KRT3: variants seen among roughly 807,000 people sequenced by gnomAD.
KRT3 encodes keratin, type II cytoskeletal 3.
KRT3 carries 34 observed loss-of-function variants against 45.8 expected under a neutral mutation model. The observed-to-expected ratio is 0.74, with a 90% CI of 0.57 to 0.99. The LOEUF is 0.99. KRT3 is among the 50% of genes least tolerant of loss of function. The pLI is 0.00. For missense variants in KRT3, 828 were observed against 820.6 expected (o/e 1.01, Z -0.11); for synonymous variants, 367 against 329.0 (o/e 1.12, Z -1.25).
At position 52,790,119 on chromosome 12, in the gene KRT3, A is replaced by G. The variant is rs1377665888; in HGVS notation, c.1810T>C (p.Phe604Leu). ...CCGCCCCGGTTGCTGGCCGAGCTGA[A>G]GCCCCCGCCACTGACTCCATAGCGG... The part of the protein sequence containing the change: ...GARYGVSGGG[F>L]SSASNRGGSI... The change falls in exon 9 of 9, where the codon TTC becomes CTC. Residue 604 changes from phenylalanine to leucine, a missense_variant. Coordinates refer to ENST00000417996, the MANE Select transcript of KRT3 (RefSeq NM_057088.3). The G allele has an allele frequency of 6.5e-7, 1 of 1,544,092 alleles. No homozygotes were observed. Among genetic ancestry groups the G allele is most frequent in the Non-Finnish European group, 8.7e-7 (1 of 1,146,744 alleles).
At position 52,790,252 on chromosome 12, in the gene KRT3, G is replaced by A. The variant is rs1241657089; in HGVS notation, c.1677C>T (p.Gly559=). 11 of 1,550,606 alleles carry A rather than the reference G, an allele frequency of 7.1e-6. No homozygotes were observed. The East Asian group carries it at 1.2e-4, about 17-fold the overall frequency. ...CTCCCCGGCCAAAGCCACTGCCTGAGCCGCCGCCCGCACTGAAGCCACCTC... is the reference window on the plus strand; with the variant it reads ...CTCCCCGGCCAAAGCCACTGCCTGAACCGCCGCCCGCACTGAAGCCACCTC... ...GLGGGFSAGG[G]SGSGFGRGGG... The change falls in exon 9 of 9, where the codon GGC becomes GGT. Residue 559 remains glycine, a synonymous_variant. Coordinates refer to ENST00000417996, the MANE Select transcript of KRT3 (RefSeq NM_057088.3).
rs1488529872 is a variant in KRT3, at chr12:52,789,945, T to C, written c.*97A>G. ...AGCCTTCCAGCGCAGAGCCGCGTTC[T>C]TGGGGAGCATGGGGTGGCGCTGGGG... On this transcript the variant is annotated 3_prime_UTR_variant, in exon 9 of 9. Coordinates refer to ENST00000417996, the MANE Select transcript of KRT3 (RefSeq NM_057088.3). 7.8e-7 allele frequency: 1 copy of C among 1,281,344 alleles called. No homozygotes were observed. Among genetic ancestry groups the C allele is most frequent in the Non-Finnish European group, 1.1e-6 (1 of 914,742 alleles). The allele number at this position is 1,281,344 out of a possible 1,614,324, so 79.4% of individuals were successfully genotyped here.
chr12:52,794,615 C>T (rs187842682), intron 1 of KRT3, among the ~76,000 whole-genome samples: 79 of 152,274 alleles, frequency 5.2e-4, no homozygotes, highest in African/African-American at 1.8e-3. Context: ...AACTTCATGA[C>T]CCTATCTTAA....
Position 52,790,343 on chromosome 12 carries a change from C to A in KRT3, c.1586G>T (p.Ser529Ile). Reference protein sequence around the residue: ...SAVSISVVSSSTTSASAGGYG... With the variant: ...SAVSISVVSSITTSASAGGYG... ...GCCACCTGCGGAGGCGGAAGTCGTGCTGCTGCTGACCACGGCTGTGGGGGA... is the reference window on the plus strand; with the variant it reads ...GCCACCTGCGGAGGCGGAAGTCGTGATGCTGCTGACCACGGCTGTGGGGGA... Residue 529 changes from serine (S) to isoleucine (I), a missense_variant, in exon 9 of 9, where the codon AGC becomes ATC. Physicochemically the swap from Ser to Ile is moderately radical, Grantham distance 142 (BLOSUM62 -2). Transcript: ENST00000417996. 6.3e-7 allele frequency: 1 copy of A among 1,595,726 alleles called. No homozygotes were observed. Among genetic ancestry groups the A allele is most frequent in the Non-Finnish European group, 8.5e-7 (1 of 1,170,420 alleles).
intron 6 of KRT3, 80 bp downstream of exon 6, chr12:52,791,611 A>C: frequency 1.9e-6 from 3 of 1,583,468 alleles, no homozygotes; most frequent in Non-Finnish European, 2.6e-6. Context: ...CCAGACGTCT[A>C]TTCCAGGGGA....
In KRT3 at chr12:52,789,738, T is replaced by A; in HGVS notation, c.*304A>T. The A allele has an allele frequency of 1.7e-6, 1 of 572,102 alleles. No homozygotes were observed. The highest frequency in any genetic ancestry group is 3.1e-6 in the Non-Finnish European group (1 of 320,234). 35.4% of individuals were successfully genotyped at this position (572,102 alleles called of 1,614,324 possible). On this transcript the variant is annotated 3_prime_UTR_variant, in exon 9 of 9. Transcript: ENST00000417996. ...GACCGGAGGGGCGGAGGGGGCTGTGTGCTATATACATCAGAGCTGTAGTGA... is the reference window on the plus strand; with the variant it reads ...GACCGGAGGGGCGGAGGGGGCTGTGAGCTATATACATCAGAGCTGTAGTGA...
At position 52,795,912 on chromosome 12, in the gene KRT3, C is replaced by G. The variant is rs28721426; in HGVS notation, c.131G>C (p.Gly44Ala). The change falls in exon 1 of 9, where the codon GGC becomes GCC. Residue 44 changes from glycine to alanine, a missense_variant. Transcript: ENST00000417996. ...HSGGAGGGAY[G>A]FRSGAGGFGS... is the part of the protein sequence containing the mutation. ...AAAGCCACCTGCTCCGCTCCGGAAGCCATAGGCCCCTCCGCCAGCTCCCCC... is the reference window on the plus strand; with the variant it reads ...AAAGCCACCTGCTCCGCTCCGGAAGGCATAGGCCCCTCCGCCAGCTCCCCC... 272,571 of 1,614,034 alleles carry G rather than the reference C, an allele frequency of 0.17. 24,923 individuals are homozygous for G. Among genetic ancestry groups the G allele is most frequent in the African/African-American group, 0.28 (20,965 of 75,006 alleles).
rs1444880066 is a variant in KRT3 at position 52,791,774 on chromosome 12, G to A, written c.1231C>T (p.Leu411=). ...ATGATCTCGCTCTTGGTATTTCTTA[G>A]GTCATCCCCATGCCTGCCAGCCGTG... is the stretch of plus-strand genomic sequence containing the variant. The part of the protein sequence containing the change: ...QTTAGRHGDD[L]RNTKSEIIEL... Residue 411 remains leucine (L), a synonymous_variant, in exon 6 of 9, where the codon CTA becomes TTA. Transcript: ENST00000417996. 6.2e-6 allele frequency: 10 copies of A among 1,614,052 alleles called. No individual in the cohort carries two copies. The highest frequency in any genetic ancestry group is 8.5e-6 in the Non-Finnish European group (10 of 1,179,964).
Position 52,792,370 on chromosome 12 carries a change from T to C in KRT3, c.1057A>G (p.Thr353Ala). 6.2e-7 allele frequency: 1 copy of C among 1,614,144 alleles called. No individual in the cohort carries two copies. Among genetic ancestry groups the C allele is most frequent in the Non-Finnish European group, 8.5e-7 (1 of 1,180,024 alleles). ...TTGTCCATGGACAGCACCACAGATG[T>C]GTCACTGATGTGGCTCTGCATCTGA... ...LSQMQSHISD[T>A]SVVLSMDNNR... Residue 353 changes from threonine (T) to alanine (A), a missense_variant, in exon 5 of 9, where the codon ACA (threonine) becomes GCA (alanine). Thr to Ala is a moderately conservative substitution (Grantham distance 58). Coordinates refer to ENST00000417996, the MANE Select transcript of KRT3 (RefSeq NM_057088.3).
chr12:52,790,812 T>C, intron 8 of KRT3, 26 bp downstream of exon 8: 1 of 1,565,500 alleles, frequency 6.4e-7, no homozygotes, highest in Admixed American at 1.8e-5. Context: ...TTAACTCTCA[T>C]TTTCTTAGCT....
At position 52,795,448 on chromosome 12, in the gene KRT3, G is replaced by A. The variant is rs138693059; in HGVS notation, c.595C>T (p.Arg199Trp). 381 of 1,614,112 alleles carry A rather than the reference G, an allele frequency of 2.4e-4. 3 individuals carry two copies. The African/African-American group carries it at 2.8e-3, about 12-fold the overall frequency. Residue 199 changes from arginine (R) to tryptophan (W), a missense_variant, in exon 1 of 9, where the codon CGG (arginine) becomes TGG (tryptophan). Transcript: ENST00000417996. ...TTGTTGAGGGTCTTGATCTGTTCCC[G>A]CTCCTGGGCCTTTACTTGCCCAATC... ...PQIGQVKAQEREQIKTLNNKF... is the reference protein window; with the variant it reads ...PQIGQVKAQEWEQIKTLNNKF...
chr12:52,793,364 A>G, intron 2 of KRT3, 141 bp from the exon 3 acceptor site: 3 of 610,660 alleles, frequency 4.9e-6, no homozygotes, highest in Non-Finnish European at 8.7e-6. Flanking sequence ...CCTCTTTACT[A>G]TCTCCCTGTT....
chr12:52,796,044 G>A lies in KRT3; in HGVS notation c.-2C>T. On this transcript the variant is annotated 5_prime_UTR_variant, in exon 1 of 9. Coordinates refer to ENST00000417996, the MANE Select transcript of KRT3 (RefSeq NM_057088.3). ...TGTCTTGCTGGCTTGTCTGCTCATG[G>A]TAAGGAGCTTGGCGAAGAGAAGAGT... 6.2e-7 allele frequency: 1 copy of A among 1,613,020 alleles called. No individual in the cohort carries two copies. Among genetic ancestry groups the A allele is most frequent in the Non-Finnish European group, 8.5e-7 (1 of 1,179,868 alleles).
Position 52,794,248 on chromosome 12 carries a change from G to C in KRT3, c.729C>G (p.Gly243=). Residue 243 remains glycine (G), a synonymous_variant, in exon 2 of 9, where the codon GGC becomes GGG. Transcript: ENST00000417996. ...CAAAAAGAGGCTCAAGGTTGTTTGT[G>C]CCTGAGATGGAACTTGTGCCCTGCT... ...LQQQGTSSIS[G]TNNLEPLFEN... 1 of 1,614,182 alleles carries C rather than the reference G, an allele frequency of 6.2e-7. No homozygotes were observed. The highest frequency in any genetic ancestry group is 8.5e-7 in the Non-Finnish European group (1 of 1,179,986).
Position 52,791,765 on chromosome 12 carries a change from T to C in KRT3, c.1240A>G (p.Thr414Ala), listed in dbSNP as rs752128708. 3 of 1,614,066 alleles carry C rather than the reference T, an allele frequency of 1.9e-6. No individual in the cohort carries two copies. The East Asian group carries it at 6.7e-5, about 36-fold the overall frequency. Residue 414 changes from threonine to alanine, a missense_variant, in exon 6 of 9, where the codon ACC becomes GCC. Transcript: ENST00000417996. ...AGRHGDDLRN[T>A]KSEIIELNRM... ...TTGAGCTCTATGATCTCGCTCTTGGTATTTCTTAGGTCATCCCCATGCCTG... is the reference window on the plus strand; with the variant it reads ...TTGAGCTCTATGATCTCGCTCTTGGCATTTCTTAGGTCATCCCCATGCCTG...
chr12:52,795,760 C>T lies in KRT3; in HGVS notation c.283G>A (p.Gly95Ser), dbSNP rs749992146. Residue 95 changes from glycine (G) to serine (S), a missense_variant, in exon 1 of 9, where the codon GGT becomes AGT. By Grantham distance (56) the Gly-to-Ser change is moderately conservative. Coordinates refer to ENST00000417996, the MANE Select transcript of KRT3 (RefSeq NM_057088.3). ...SSCAFAGGYG[G>S]GFGSGYGGGF... ...CCTCCATAGCCGCTCCCAAAGCCAC[C>T]TCCATAGCCACCTGCAAAGGCACAG... 9 of 1,613,930 alleles carry T rather than the reference C, an allele frequency of 5.6e-6. No individual in the cohort carries two copies. In the African/African-American group the frequency reaches 6.7e-5, roughly 12 times the overall value.
At chr12:52,792,640 A>G (rs1939547692) in intron 4 of KRT3, 71 bp downstream of exon 4, 1 of 1,220,078 alleles carries the variant, frequency 8.2e-7, no homozygotes, top group African/African-American at 1.5e-5. Context: ...CTATATACCA[A>G]AATGCACCAG....
chr12:52,791,499 TC>T, intron 6 of KRT3, 73 bp from the exon 7 acceptor site: 2 of 1,517,360 alleles, frequency 1.3e-6, no homozygotes, highest in South Asian at 1.2e-5. Context: ...CAATGGATTA[TC>T]CCATCTTAAA....
At chr12:52,793,533 G>A (rs947321429) in intron 2 of KRT3, among the ~76,000 whole-genome samples, 6 of 152,058 alleles carry the variant, frequency 3.9e-5, no homozygotes, top group Non-Finnish European at 8.8e-5. Flanking sequence ...CCAGAACCAG[G>A]ATCTTCCCCA....
Sources: gnomAD v4.1 joint callset for allele counts (sites outside exome capture counted in the v4.1 genomes callset) on GRCh38, gnomAD v4.1.1 for gene constraint, MANE v1.5 for transcripts, NCBI Gene and HGNC (gene_info 2026-07-23, HGNC 2026-07-21) for gene names.